The following KCNH7 variants were observed in gnomAD, a reference collection of about 807,000 sequenced individuals.
The protein encoded by KCNH7 is voltage-gated inwardly rectifying potassium channel KCNH7.
In KCNH7, 49 loss-of-function variants were observed where a neutral mutation model predicts 120.8. The ratio of observed to expected loss-of-function variants is 0.41; its 90% CI spans 0.32 to 0.51. The LOEUF (loss-of-function observed/expected upper bound fraction) is 0.51, where lower values mean the gene tolerates loss of function less well. Among genes scored for constraint, KCNH7 ranks in the 20% least tolerant of loss-of-function variants. KCNH7 has a pLI of 0.38. For missense variants in KCNH7, 1,097 were observed against 1,446.6 expected (o/e 0.76, Z 3.92); for synonymous variants, 547 against 516.1 (o/e 1.06, Z -0.81).
chr2:162,776,341 C>G (rs1373569760), intron 2 of KCNH7, among the ~76,000 whole-genome samples: 1 of 152,120 alleles, frequency 6.6e-6, no homozygotes, highest in African/African-American at 2.4e-5. Context: ...CGATCTGGGC[C>G]AAATCAGTTT....
intron 4 of KCNH7, among the ~76,000 whole-genome samples, chr2:162,513,941 A>T (rs1192047906): frequency 6.6e-6 from 1 of 151,802 alleles, no homozygotes; most frequent in East Asian, 2.0e-4. Flanking sequence ...TTACTTTGAG[A>T]TCAGCTATCT....
In KCNH7 at chr2:162,548,407, G is replaced by T. The variant is rs145283602; in HGVS notation, c.308-11327C>A. ...TCCAAAGGTGGTTGCAGGAGGGAGAGATGTTTCATTTCAAATTTCCCTAGG... is the reference window on the plus strand; with the variant it reads ...TCCAAAGGTGGTTGCAGGAGGGAGATATGTTTCATTTCAAATTTCCCTAGG... On this transcript the variant is annotated intron_variant, in intron 2 of 15. Transcript: ENST00000332142. Among the ~76,000 whole-genome samples the T allele has an allele frequency of 1.6e-4, 25 of 152,250 alleles. No individual in the cohort carries two copies. The South Asian group carries it at 3.1e-3, about 19-fold the overall frequency.
intron 6 of KCNH7, among the ~76,000 whole-genome samples, chr2:162,466,362 C>G (rs1340285312): frequency 6.6e-6 from 1 of 152,132 alleles, no homozygotes; most frequent in Non-Finnish European, 1.5e-5. Flanking sequence ...CCTCAGAAAA[C>G]TTACAATCAA....
intron 2 of KCNH7, among the ~76,000 whole-genome samples, chr2:162,743,089 T>C (rs11903378): frequency 6.6e-6 from 1 of 152,076 alleles, no homozygotes; most frequent in Non-Finnish European, 1.5e-5. Context: ...TCTTATTTCA[T>C]TGATTTCCCT....
chr2:162,709,271 A>G (rs570002653), intron 2 of KCNH7, among the ~76,000 whole-genome samples: 1 of 152,128 alleles, frequency 6.6e-6, no homozygotes, highest in Non-Finnish European at 1.5e-5. Flanking sequence ...TTTAGCTCAG[A>G]GTAGGCATGA....
chr2:162,508,587 C>A (rs978281214), intron 5 of KCNH7, among the ~76,000 whole-genome samples: 1 of 151,392 alleles, frequency 6.6e-6, no homozygotes, highest in Non-Finnish European at 1.5e-5. Context: ...CTAAGCCCAT[C>A]TAAATGCAAA....
At chr2:162,624,456 C>T (rs1683472050) in intron 2 of KCNH7, among the ~76,000 whole-genome samples, 2 of 152,222 alleles carry the variant, frequency 1.3e-5, no homozygotes, top group South Asian at 4.1e-4. Context: ...GAATTCTTAA[C>T]CCATTGAAAT....
chr2:162,407,908 T>G (rs886297427), intron 9 of KCNH7, among the ~76,000 whole-genome samples: 1 of 152,100 alleles, frequency 6.6e-6, no homozygotes, highest in Non-Finnish European at 1.5e-5. Context: ...AAATACCATC[T>G]TGAACTTGAA....
intron 2 of KCNH7, among the ~76,000 whole-genome samples, chr2:162,614,478 G>T (rs923709161): frequency 1.3e-5 from 2 of 151,712 alleles, no homozygotes; most frequent in Admixed American, 1.3e-4. Flanking sequence ...CTAGCTAAAT[G>T]TCTCTCAGCC....
intron 3 of KCNH7, among the ~76,000 whole-genome samples, chr2:162,519,330 T>G (rs1691435770): frequency 6.6e-6 from 1 of 151,860 alleles, no homozygotes. Flanking sequence ...TCCTATGATA[T>G]TCTTTAAAAG....
intron 2 of KCNH7, among the ~76,000 whole-genome samples, chr2:162,747,559 A>G (rs1485258267): frequency 6.6e-6 from 1 of 152,204 alleles, no homozygotes; most frequent in Non-Finnish European, 1.5e-5. Flanking sequence ...GTGGAGTGAC[A>G]GCGAATGTGT....
At chr2:162,623,225 T>G (rs552483417) in intron 2 of KCNH7, among the ~76,000 whole-genome samples, 1 of 152,274 alleles carries the variant, frequency 6.6e-6, no homozygotes, top group South Asian at 2.1e-4. Flanking sequence ...CTGGGTTTCC[T>G]TAGAAGCAAA....
intron 9 of KCNH7, among the ~76,000 whole-genome samples, chr2:162,419,794 G>A (rs1454359661): frequency 6.6e-6 from 1 of 152,174 alleles, no homozygotes; most frequent in African/African-American, 2.4e-5. Flanking sequence ...TCCTGTGTGT[G>A]ATGTGAGGCC....
chr2:162,699,630 T>C (rs1686418740), intron 2 of KCNH7, among the ~76,000 whole-genome samples: 1 of 152,208 alleles, frequency 6.6e-6, no homozygotes, highest in African/African-American at 2.4e-5. Flanking sequence ...ACAAATTTGT[T>C]ACCTTTGTGA....
chr2:162,522,868 C>T (rs1222511761), intron 3 of KCNH7, among the ~76,000 whole-genome samples: 1 of 151,744 alleles, frequency 6.6e-6, no homozygotes, highest in African/African-American at 2.4e-5. Context: ...TTATAATTAA[C>T]TACTACTATA....
intron 2 of KCNH7, among the ~76,000 whole-genome samples, chr2:162,562,056 G>C (rs569141746): frequency 1.3e-5 from 2 of 152,076 alleles, no homozygotes; most frequent in East Asian, 1.9e-4. Context: ...ACCGGGGCCT[G>C]TTGGGTGGTC....
intron 12 of KCNH7, among the ~76,000 whole-genome samples, chr2:162,388,367 C>T (rs1263129927): frequency 6.6e-6 from 1 of 151,668 alleles, no homozygotes; most frequent in East Asian, 1.9e-4. Flanking sequence ...TAAACACACA[C>T]ACACACACAC....
chr2:162,625,112 G>T (rs1449025433), intron 2 of KCNH7, among the ~76,000 whole-genome samples: 1 of 151,818 alleles, frequency 6.6e-6, no homozygotes, highest in Non-Finnish European at 1.5e-5. Flanking sequence ...GGTCAGGTTG[G>T]TCCCGAACTC....
intron 2 of KCNH7, among the ~76,000 whole-genome samples, chr2:162,624,901 T>G (rs533259206): frequency 1.4e-3 from 204 of 141,202 alleles, no homozygotes; most frequent in Non-Finnish European, 2.6e-3. Flanking sequence ...TTTTTTTTTT[T>G]TTTTTTTTTT....
Sources: gnomAD v4.1 joint callset for allele counts (sites outside exome capture counted in the v4.1 genomes callset) on GRCh38, gnomAD v4.1.1 for gene constraint, MANE v1.5 for transcripts, NCBI Gene and HGNC (gene_info 2026-07-23, HGNC 2026-07-21) for gene names.